Variants in ZNF786 observed in about 807,000 individuals in gnomAD.
The protein encoded by ZNF786 is zinc finger protein 786.
In ZNF786, 56 loss-of-function variants were observed where a neutral mutation model predicts 63.1. That is an observed-to-expected ratio of 0.89 (90% CI 0.72 to 1.11). ZNF786 has a LOEUF of 1.11. Among genes scored for constraint, ZNF786 ranks in the 50% least tolerant of loss-of-function variants. The pLI, the probability that ZNF786 is intolerant of heterozygous loss-of-function variation, is 0.00. For synonymous variants in ZNF786, 485 were observed against 406.9 expected (o/e 1.19, Z -2.31); for missense variants, 1,213 against 1,041.8 (o/e 1.16, Z -2.26).
intron 2 of ZNF786, among the ~76,000 whole-genome samples, chr7:149,080,098 G>C (rs1825625763): frequency 6.6e-6 from 1 of 152,034 alleles, no homozygotes; most frequent in Admixed American, 6.6e-5. Context: ...CTTGAACCCG[G>C]AAGGCAGAGG....
intron 3 of ZNF786, among the ~76,000 whole-genome samples, chr7:149,072,774 C>T (rs374753306): frequency 6.6e-6 from 1 of 152,194 alleles, no homozygotes; most frequent in African/African-American, 2.4e-5. Context: ...ACTGTGTAAC[C>T]TTTGTCAAGC....
chr7:149,086,226 T>C (rs1415374888), intron 1 of ZNF786, among the ~76,000 whole-genome samples: 1 of 152,190 alleles, frequency 6.6e-6, no homozygotes, highest in Non-Finnish European at 1.5e-5. Context: ...GTGGGGTAAT[T>C]TTTAAAGAAA....
intron 1 of ZNF786, among the ~76,000 whole-genome samples, chr7:149,085,860 AT>A (rs1563140369): frequency 1.3e-5 from 2 of 152,048 alleles, no homozygotes; most frequent in Non-Finnish European, 2.9e-5. Context: ...ATGGGACTGT[AT>A]TCTTGATTTG....
chr7:149,076,262 G>C (rs967653055), intron 2 of ZNF786, among the ~76,000 whole-genome samples: 9 of 151,690 alleles, frequency 5.9e-5, no homozygotes, highest in Admixed American at 1.3e-4. Flanking sequence ...TTACAGGCAT[G>C]CGCCACCATA....
chr7:149,076,124 T>C (rs1013617587), intron 2 of ZNF786, among the ~76,000 whole-genome samples: 1 of 152,008 alleles, frequency 6.6e-6, no homozygotes, highest in Non-Finnish European at 1.5e-5. Context: ...GTTTTTGTTT[T>C]GTTTTTTTTG....
chr7:149,076,251 A>T (rs2129515212), intron 2 of ZNF786, among the ~76,000 whole-genome samples: 1 of 151,822 alleles, frequency 6.6e-6, no homozygotes, highest in South Asian at 2.1e-4. Context: ...AGTAGCTGGG[A>T]TTACAGGCAT....
At position 149,090,705 on chromosome 7, in the gene ZNF786, C is replaced by T; in HGVS notation, c.-65G>A. 1 of 1,525,642 alleles carries T rather than the reference C, an allele frequency of 6.6e-7. No homozygotes were observed. Among genetic ancestry groups the T allele is most frequent in the Non-Finnish European group, 8.8e-7 (1 of 1,130,914 alleles). 94.5% of individuals were successfully genotyped at this position (1,525,642 alleles called of 1,614,324 possible). ...TCTCCGGCGGCTCCGCAGGAACCTG[C>T]CCTGCTGCGCACTGACTCCCCTCCG... On this transcript the variant is annotated 5_prime_UTR_variant, in exon 1 of 4. Transcript: ENST00000491431.
At position 149,071,524 on chromosome 7, in the gene ZNF786, C is replaced by T; in HGVS notation, c.1248G>A (p.Gln416=). 2.5e-6 allele frequency: 4 copies of T among 1,613,316 alleles called. No individual in the cohort carries two copies. Among genetic ancestry groups the T allele is most frequent in the Non-Finnish European group, 3.4e-6 (4 of 1,179,884 alleles). ...ACGGTCTCTCCCCACCGTGCGCGTG[C>T]TGGTGGACCTGCAGCAGGCGGCGCA... ...FRLRRLLQVH[Q]HAHGGERPFS... The change falls in exon 4 of 4, where the codon CAG becomes CAA. Residue 416 remains glutamine (Q), a synonymous_variant. Coordinates refer to ENST00000491431, the MANE Select transcript of ZNF786 (RefSeq NM_152411.4).
chr7:149,079,212 T>A (rs974216030), intron 2 of ZNF786, among the ~76,000 whole-genome samples: 1 of 152,070 alleles, frequency 6.6e-6, no homozygotes, highest in African/African-American at 2.4e-5. Flanking sequence ...ATCGAGACCA[T>A]CCTGGCTAAC....
chr7:149,086,473 C>T (rs113933971), intron 1 of ZNF786, among the ~76,000 whole-genome samples: 9 of 152,098 alleles, frequency 5.9e-5, no homozygotes, highest in Non-Finnish European at 1.3e-4. Flanking sequence ...ACTAAAAATA[C>T]AAAAATTAGC....
intron 3 of ZNF786, among the ~76,000 whole-genome samples, chr7:149,073,843 G>C (rs1825492730): frequency 6.9e-6 from 1 of 144,604 alleles, no homozygotes; most frequent in Admixed American, 7.2e-5. Flanking sequence ...CTGGAGTGCA[G>C]TTGCATAATC....
chr7:149,086,699 A>C (rs1174737975), intron 1 of ZNF786, among the ~76,000 whole-genome samples: 5 of 152,028 alleles, frequency 3.3e-5, no homozygotes, highest in Admixed American at 6.6e-5. Context: ...TGGCAAGAAG[A>C]AGCAAGACAG....
At chr7:149,075,565 A>G (rs80334203) in intron 2 of ZNF786, among the ~76,000 whole-genome samples, 99 of 150,552 alleles carry the variant, frequency 6.6e-4, no homozygotes, top group African/African-American at 2.2e-3. Flanking sequence ...CTTATTAGAA[A>G]TATTTCTGGC....
At position 149,071,953 on chromosome 7, in the gene ZNF786, A is replaced by ACCGTCAGCGTTCCGGAAGGGGC; in HGVS notation, c.797_818dup (p.Glu274ProfsTer6). The ACCGTCAGCGTTCCGGAAGGGGC allele has an allele frequency of 6.2e-7, 1 of 1,611,462 alleles. No homozygotes were observed. The highest frequency in any genetic ancestry group is 8.5e-7 in the Non-Finnish European group (1 of 1,179,674). Reference sequence around the variant, plus strand: ...TCAGCTCGTGTCGGAAGCACATTTCACCGTCAGCGTTCCGGAAGGGGCCCC... The same window carrying ACCGTCAGCGTTCCGGAAGGGGC: ...TCAGCTCGTGTCGGAAGCACATTTCACCGTCAGCGTTCCGGAAGGGGCCCGTCAGCGTTCCGGAAGGGGCCCC... On this transcript the variant is annotated stop_gained and frameshift_variant, in exon 4 of 4. Coordinates refer to ENST00000491431, the MANE Select transcript of ZNF786 (RefSeq NM_152411.4). LOFTEE classifies it high-confidence loss of function.
chr7:149,073,242 GTTTGACTTTTTCATTCTGTACTTTA>G (rs1440003270), intron 3 of ZNF786, among the ~76,000 whole-genome samples: 3 of 152,186 alleles, frequency 2.0e-5, no homozygotes, highest in Non-Finnish European at 4.4e-5. Flanking sequence ...TGATGCTCCT[GTTTGACTTTTTCATTCTGTACTTTA>G]AGAATCCAAA....
rs1825438056 is a variant in ZNF786, at chr7:149,072,075, T to C, written c.697A>G (p.Ser233Gly). The part of the protein sequence containing the change: ...KRAETQMPWS[S>G]PRVQRHFRCG... ...CGGAAGTGCCTCTGTACCCGAGGGC[T>C]GCTCCACGGCATCTGCGTCTCCGCC... Residue 233 changes from serine to glycine, a missense_variant, in exon 4 of 4, where the codon AGC (serine) becomes GGC (glycine). By Grantham distance (56) the Ser-to-Gly change is moderately conservative. Transcript: ENST00000491431. 2 of 1,613,182 alleles carry C rather than the reference T, an allele frequency of 1.2e-6. No individual in the cohort carries two copies. Among genetic ancestry groups the C allele is most frequent in the Admixed American group, 1.7e-5 (1 of 59,888 alleles).
chr7:149,082,585 ATTT>A (rs66753454), intron 1 of ZNF786: 289,963 of 581,186 alleles, frequency 0.5, 70,792 homozygotes, highest in East Asian at 0.87. Context: ...TCCAACTTAA[ATTT>A]TTTTTTTTTT....
chr7:149,075,944 T>C (rs1165069640), intron 2 of ZNF786, among the ~76,000 whole-genome samples: 1 of 152,014 alleles, frequency 6.6e-6, no homozygotes, highest in Non-Finnish European at 1.5e-5. Context: ...ATTATAGGGA[T>C]GAGCCACCAT....
At chr7:149,079,816 G>A (rs1381226205) in intron 2 of ZNF786, among the ~76,000 whole-genome samples, 1 of 148,788 alleles carries the variant, frequency 6.7e-6, no homozygotes, top group Admixed American at 6.6e-5. Flanking sequence ...TGATCCACCT[G>A]CCTCGGCCTC....
Sources: gnomAD v4.1 joint callset for allele counts (sites outside exome capture counted in the v4.1 genomes callset) on GRCh38, gnomAD v4.1.1 for gene constraint, MANE v1.5 for transcripts, NCBI Gene and HGNC (gene_info 2026-07-23, HGNC 2026-07-21) for gene names.